Variants in RNPEP observed in about 807,000 individuals in gnomAD.
RNPEP encodes the protein aminopeptidase B.
Under a neutral mutation model 70.1 loss-of-function variants are expected in RNPEP, and 57 were observed. The ratio of observed to expected loss-of-function variants is 0.81; its 90% confidence interval spans 0.66 to 1.01. The LOEUF is 1.01. Ranked by LOEUF, RNPEP falls within the 50% of genes least tolerant of loss-of-function variation. The probability of loss-of-function intolerance (pLI) is 0.00; values close to 1 mark genes in which losing one functional copy is unlikely to be tolerated. For missense variants in RNPEP, 787 were observed against 852.4 expected (o/e 0.92, Z 0.96); for synonymous variants, 335 against 357.4 (o/e 0.94, Z 0.71).
chr1:201,983,758 T>G (rs1450939314), intron 1 of RNPEP: 3 of 1,103,998 alleles, frequency 2.7e-6, no homozygotes, highest in Non-Finnish European at 3.3e-6. Flanking sequence ...TGGTTAACTC[T>G]TTAATTTTTT....
rs377116055 is a variant in RNPEP at position 202,003,252 on chromosome 1, G to C, written c.1442G>C (p.Arg481Pro). 1 of 1,611,990 alleles carries C rather than the reference G, an allele frequency of 6.2e-7. No individual in the cohort carries two copies. Among genetic ancestry groups the C allele is most frequent in the South Asian group, 1.1e-5 (1 of 90,922 alleles). ...VDIIPGFEFD[R>P]WLNTPGWPPY... ...TCCCAAACAGGTTTTGAGTTTGATCGATGGCTGAATACCCCCGGCTGGCCC... is the reference window on the plus strand; with the variant it reads ...TCCCAAACAGGTTTTGAGTTTGATCCATGGCTGAATACCCCCGGCTGGCCC... Residue 481 changes from arginine to proline, a missense_variant, in exon 9 of 11, where the codon CGA (arginine) becomes CCA (proline). Physicochemically the swap from Arg to Pro is moderately radical, Grantham distance 103 (BLOSUM62 -2). Transcript: ENST00000295640.
intron 10 of RNPEP, among the ~76,000 whole-genome samples, chr1:202,004,745 A>T (rs1264310996): frequency 6.6e-6 from 1 of 152,266 alleles, no homozygotes; most frequent in Non-Finnish European, 1.5e-5. Context: ...CAGGGAAAAA[A>T]GCTGGCCAGA....
In RNPEP at chr1:201,989,400, A is replaced by C. The variant is rs1683242343; in HGVS notation, c.606A>C (p.Thr202=). ...SALIEVPDGF[T]AVMSASTWEK... Reference sequence around the variant, plus strand: ...GTTGTCAGGTCCCAGATGGCTTCACAGCTGTGATGAGTGCTAGCACCTGGG... The same window carrying C: ...GTTGTCAGGTCCCAGATGGCTTCACCGCTGTGATGAGTGCTAGCACCTGGG... The change falls in exon 3 of 11, where the codon ACA becomes ACC. Residue 202 remains threonine, a synonymous_variant. Transcript: ENST00000295640. 6.2e-7 allele frequency: 1 copy of C among 1,614,044 alleles called. No individual in the cohort carries two copies. Among genetic ancestry groups the C allele is most frequent in the Non-Finnish European group, 8.5e-7 (1 of 1,180,030 alleles).
chr1:201,997,095 G>A (rs1280227166), intron 4 of RNPEP, among the ~76,000 whole-genome samples: 3 of 152,152 alleles, frequency 2.0e-5, no homozygotes, highest in African/African-American at 4.8e-5. Context: ...AGCTCCAGGA[G>A]AGCAGACACC....
At position 202,004,382 on chromosome 1, in the gene RNPEP, C is replaced by T. The variant is rs572316872; in HGVS notation, c.1680C>T (p.Tyr560=). 4 of 1,614,174 alleles carry T rather than the reference C, an allele frequency of 2.5e-6. No homozygotes were observed. In the African/African-American group the frequency reaches 5.3e-5, roughly 22 times the overall value. ...PGNVKKLGDT[Y]PSISNARNAE... is the part of the protein sequence containing the mutation. The stretch of plus-strand genomic sequence containing the variant: ...ATGTGAAAAAACTTGGAGACACATA[C>T]CCAAGTATCTCAAATGCCCGGAATG... The change falls in exon 10 of 11, where the codon TAC becomes TAT. Residue 560 remains tyrosine (Y), a synonymous_variant. Coordinates refer to ENST00000295640, the MANE Select transcript of RNPEP (RefSeq NM_020216.4).
In RNPEP at chr1:201,989,440, A is replaced by C; in HGVS notation, c.646A>C (p.Asn216His). The change falls in exon 3 of 11, where the codon AAT becomes CAT. Residue 216 changes from asparagine to histidine, a missense_variant. Asn to His is a moderately conservative substitution (Grantham distance 68). Transcript: ENST00000295640. ...SASTWEKRGP[N>H]KFFFQMCQPI... ...TAGCACCTGGGAGAAGAGAGGTCCA[A>C]ATAAGTTCTTCTTCCAGATGTGTCA... 6.2e-7 allele frequency: 1 copy of C among 1,614,186 alleles called. No individual in the cohort carries two copies. The highest frequency in any genetic ancestry group is 8.5e-7 in the Non-Finnish European group (1 of 1,180,040).
At chr1:202,004,572 C>A in intron 10 of RNPEP, 76 bp downstream of exon 10, 1 of 1,554,820 alleles carries the variant, frequency 6.4e-7, no homozygotes, top group Admixed American at 1.7e-5. Flanking sequence ...ATCATGTGGG[C>A]AGGGCTCATC....
At chr1:202,004,851 G>A (rs1362191684) in intron 10 of RNPEP, among the ~76,000 whole-genome samples, 2 of 152,232 alleles carry the variant, frequency 1.3e-5, no homozygotes, top group East Asian at 3.9e-4. Context: ...AAGGCTTGGA[G>A]GATAGGTCCC....
chr1:201,995,858 CTG>C, intron 3 of RNPEP: 1 of 333,228 alleles, frequency 3.0e-6, no homozygotes. Flanking sequence ...GATGAGGAAA[CTG>C]AGGCTCACAG....
At chr1:201,995,250 T>G (rs1014935319) in intron 3 of RNPEP, among the ~76,000 whole-genome samples, 2 of 152,236 alleles carry the variant, frequency 1.3e-5, no homozygotes, top group South Asian at 4.1e-4. Flanking sequence ...ATTAGTTTTA[T>G]GAGTGGATTT....
intron 5 of RNPEP, among the ~76,000 whole-genome samples, chr1:201,998,389 G>A (rs1436303735): frequency 2.0e-5 from 3 of 151,832 alleles, no homozygotes; most frequent in Admixed American, 6.6e-5. Flanking sequence ...GGGATTACAG[G>A]CATGCACCAC....
At chr1:201,993,632 G>A (rs1178527050) in intron 3 of RNPEP, among the ~76,000 whole-genome samples, 2 of 147,972 alleles carry the variant, frequency 1.4e-5, no homozygotes, top group East Asian at 2.0e-4. Flanking sequence ...AAACAAACTC[G>A]GCCAGGTGCA....
chr1:202,005,329 G>A (rs186940663), intron 10 of RNPEP, among the ~76,000 whole-genome samples: 8 of 152,334 alleles, frequency 5.3e-5, no homozygotes, highest in Admixed American at 3.3e-4. Flanking sequence ...ACGTCCCCAT[G>A]TTAGTATGGA....
At chr1:201,984,094 C>T (rs1326577084) in intron 1 of RNPEP, among the ~76,000 whole-genome samples, 1 of 152,182 alleles carries the variant, frequency 6.6e-6, no homozygotes, top group Non-Finnish European at 1.5e-5. Context: ...CCACACCCGG[C>T]TAATTTTTGT....
rs200795347 is a variant in RNPEP, at chr1:201,984,821, CTTTTT to C, written c.447+1740_447+1744del. Among the ~76,000 whole-genome samples, 126 of 122,030 alleles carry C rather than the reference CTTTTT, an allele frequency of 1.0e-3. 5 individuals are homozygous for C. Among genetic ancestry groups the C allele is most frequent in the Non-Finnish European group, 1.7e-3 (99 of 58,978 alleles). 80.1% of individuals were successfully genotyped at this position (122,030 alleles called of 152,430 possible). A position where few individuals can be genotyped will look rare whatever the true frequency, so the allele number is the denominator to read the frequency against. On this transcript the variant is annotated intron_variant, in intron 1 of 10. Transcript: ENST00000295640. ...TTACTGCTAACTTTTGTATTTCTTT[CTTTTT>C]TTTTTTTTTTTTTTTTTTTTTTTTT...
At chr1:201,983,986 A>G in intron 1 of RNPEP, 3 of 593,540 alleles carry the variant, frequency 5.1e-6, no homozygotes, top group Non-Finnish European at 6.4e-6. Context: ...GCTGGAGTGC[A>G]GTGGCAAGAT....
Position 201,997,433 on chromosome 1 carries a change from C to T in RNPEP, c.969C>T (p.Ile323=), listed in dbSNP as rs1308214529. ...GGGACCGCTCCTTGGCAGATGTCAT[C>T]ATCCATGAGATCTCCCACAGTTGGT... ...LAGDRSLADV[I]IHEISHSWFG... The change falls in exon 5 of 11, where the codon ATC becomes ATT. Residue 323 remains isoleucine, a synonymous_variant. Coordinates refer to ENST00000295640, the MANE Select transcript of RNPEP (RefSeq NM_020216.4). 3 of 1,614,088 alleles carry T rather than the reference C, an allele frequency of 1.9e-6. No homozygotes were observed. The highest frequency in any genetic ancestry group is 2.5e-6 in the Non-Finnish European group (3 of 1,179,962).
intron 1 of RNPEP, chr1:201,983,536 C>A (rs1185187192): frequency 6.1e-6 from 8 of 1,316,852 alleles, no homozygotes; most frequent in Non-Finnish European, 8.0e-6. Flanking sequence ...TATCAGCCAC[C>A]TTATCTCTGC....
chr1:202,000,947 GGTGACC>G (rs1558266957), intron 6 of RNPEP: 1 of 161,832 alleles, frequency 6.2e-6, no homozygotes, highest in African/African-American at 2.4e-5. Context: ...GTATTTAGGT[GGTGACC>G]AATAGGGATG....
Sources: gnomAD v4.1 joint callset for allele counts (sites outside exome capture counted in the v4.1 genomes callset) on GRCh38, gnomAD v4.1.1 for gene constraint, MANE v1.5 for transcripts, NCBI Gene and HGNC (gene_info 2026-07-23, HGNC 2026-07-21) for gene names.